PTPRD: variants seen among roughly 807,000 people sequenced by gnomAD.
PTPRD encodes the protein receptor-type tyrosine-protein phosphatase delta.
PTPRD carries 34 observed loss-of-function variants against 214.5 expected under a neutral mutation model. The ratio of observed to expected loss-of-function variants is 0.16; its 90% CI spans 0.12 to 0.21. PTPRD has a LOEUF of 0.21. Among genes scored for constraint, PTPRD ranks in the 10% least tolerant of loss-of-function variants. The probability of loss-of-function intolerance (pLI) is 1.00; values close to 1 mark genes in which losing one functional copy is unlikely to be tolerated. For synonymous variants in PTPRD, 1,128 were observed against 845.7 expected (o/e 1.33, Z -5.79); for missense variants, 2,545 against 2,398.7 (o/e 1.06, Z -1.27).
At position 10,133,788 on chromosome 9, in the gene PTPRD, T is replaced by A. The variant is rs553272790; in HGVS notation, c.-544-99998A>T. Among the ~76,000 whole-genome samples, 107 of 151,436 alleles carry A rather than the reference T, an allele frequency of 7.1e-4. 1 individual carries two copies. In the South Asian group the frequency reaches 0.01, roughly 14 times the overall value. On this transcript the variant is annotated intron_variant, in intron 3 of 45. Transcript: ENST00000381196. The stretch of plus-strand genomic sequence containing the variant: ...TAAATGAATTTAATTAATGCTATAC[T>A]AACATTTATTTGAAAAATACATGAT...
At chr9:9,026,664 A>G (rs1473568550) in intron 10 of PTPRD, among the ~76,000 whole-genome samples, 1 of 151,808 alleles carries the variant, frequency 6.6e-6, no homozygotes, top group Non-Finnish European at 1.5e-5. Flanking sequence ...ATTTCTTTTT[A>G]AAGGTATTTG....
intron 3 of PTPRD, among the ~76,000 whole-genome samples, chr9:10,139,471 T>C (rs1386280819): frequency 1.3e-5 from 2 of 152,044 alleles, no homozygotes; most frequent in Non-Finnish European, 2.9e-5. Context: ...AAAGATTCAA[T>C]GGTATTCCTA....
At chr9:9,943,846 G>A (rs1325301661) in intron 4 of PTPRD, among the ~76,000 whole-genome samples, 1 of 152,090 alleles carries the variant, frequency 6.6e-6, no homozygotes, top group Non-Finnish European at 1.5e-5. Flanking sequence ...CCAAGCTGCT[G>A]GGAGTGCTGC....
At chr9:8,755,841 T>C (rs1245546490) in intron 11 of PTPRD, among the ~76,000 whole-genome samples, 1 of 152,172 alleles carries the variant, frequency 6.6e-6, no homozygotes. Flanking sequence ...GAACAGTAAA[T>C]GACCAGCCCA....
intron 2 of PTPRD, among the ~76,000 whole-genome samples, chr9:10,366,444 T>C (rs922578631): frequency 2.0e-5 from 3 of 152,082 alleles, no homozygotes; most frequent in African/African-American, 7.2e-5. Flanking sequence ...AGATTGTTGT[T>C]CCCAGGACAG....
intron 11 of PTPRD, among the ~76,000 whole-genome samples, chr9:8,780,346 T>C (rs1270621210): frequency 6.8e-6 from 1 of 147,878 alleles, no homozygotes; most frequent in Non-Finnish European, 1.5e-5. Flanking sequence ...AAAATATTCC[T>C]TAAATACCAA....
chr9:9,264,747 G>T (rs1037460662), intron 9 of PTPRD, among the ~76,000 whole-genome samples: 1 of 151,466 alleles, frequency 6.6e-6, no homozygotes, highest in Non-Finnish European at 1.5e-5. Flanking sequence ...AAATAAAACT[G>T]TCAAAAATCA....
intron 12 of PTPRD, among the ~76,000 whole-genome samples, chr9:8,723,562 T>G (rs1481395552): frequency 6.6e-6 from 1 of 152,204 alleles, no homozygotes; most frequent in African/African-American, 2.4e-5. Context: ...ACTGTAGTCA[T>G]GCGCTGAATG....
At chr9:10,024,407 T>A (rs2096881330) in intron 4 of PTPRD, among the ~76,000 whole-genome samples, 1 of 152,146 alleles carries the variant, frequency 6.6e-6, no homozygotes, top group Admixed American at 6.5e-5. Flanking sequence ...AACCCCTTAT[T>A]ATATAAGTCT....
chr9:9,317,959 G>T (rs1376463437), intron 9 of PTPRD, among the ~76,000 whole-genome samples: 2 of 152,048 alleles, frequency 1.3e-5, no homozygotes, highest in Non-Finnish European at 2.9e-5. Flanking sequence ...ATCACTTGAG[G>T]TCTGGAGTTC....
intron 10 of PTPRD, among the ~76,000 whole-genome samples, chr9:9,030,834 T>G (rs942148843): frequency 9.2e-5 from 14 of 152,034 alleles, no homozygotes; most frequent in Non-Finnish European, 1.6e-4. Flanking sequence ...GCAATTTATA[T>G]ACATGTTTAC....
At chr9:10,226,687 AG>A (rs1272755693) in intron 3 of PTPRD, among the ~76,000 whole-genome samples, 1 of 152,066 alleles carries the variant, frequency 6.6e-6, no homozygotes, top group Non-Finnish European at 1.5e-5. Flanking sequence ...CCATGAAGCT[AG>A]CCCTTTTCCC....
chr9:8,647,493 C>G (rs2096719790), intron 12 of PTPRD, among the ~76,000 whole-genome samples: 1 of 152,082 alleles, frequency 6.6e-6, no homozygotes, highest in Non-Finnish European at 1.5e-5. Context: ...ATAAATTCAT[C>G]ATGTTTATAT....
intron 5 of PTPRD, among the ~76,000 whole-genome samples, chr9:9,800,363 C>A (rs1181809437): frequency 1.3e-5 from 2 of 152,038 alleles, no homozygotes; most frequent in Non-Finnish European, 2.9e-5. Flanking sequence ...AGATATTCCC[C>A]AGTTTTGCAA....
chr9:10,552,262 G>A (rs2061513710), intron 2 of PTPRD, among the ~76,000 whole-genome samples: 1 of 151,982 alleles, frequency 6.6e-6, no homozygotes, highest in African/African-American at 2.4e-5. Flanking sequence ...TTTTTTATCT[G>A]TATTAAGAAT....
At chr9:9,373,364 T>C (rs1458330533) in intron 9 of PTPRD, among the ~76,000 whole-genome samples, 1 of 152,100 alleles carries the variant, frequency 6.6e-6, no homozygotes, top group Non-Finnish European at 1.5e-5. Flanking sequence ...CTTGTAGAAA[T>C]GCTTGTTATT....
intron 14 of PTPRD, among the ~76,000 whole-genome samples, chr9:8,544,399 G>C (rs1333029787): frequency 6.7e-6 from 1 of 149,600 alleles, no homozygotes; most frequent in East Asian, 2.0e-4. Context: ...CTTTTCAATG[G>C]TAAAACAGCA....
intron 3 of PTPRD, among the ~76,000 whole-genome samples, chr9:10,262,124 G>T (rs970947985): frequency 3.9e-5 from 6 of 151,912 alleles, no homozygotes; most frequent in Admixed American, 2.0e-4. Flanking sequence ...AAGCTGTAAG[G>T]ATTAAGACTG....
chr9:8,602,709 T>C (rs1418767762), intron 14 of PTPRD, among the ~76,000 whole-genome samples: 1 of 152,180 alleles, frequency 6.6e-6, no homozygotes, highest in South Asian at 2.1e-4. Context: ...CATCAATATT[T>C]TTCCAGAGTC....
Sources: allele counts gnomAD v4.1 joint callset (sites outside exome capture counted in the v4.1 genomes callset), GRCh38; gene constraint gnomAD v4.1.1; transcripts MANE v1.5; gene names NCBI Gene and HGNC (gene_info 2026-07-23, HGNC 2026-07-21).